Variants in PTP4A3 observed in about 807,000 individuals in gnomAD.
PTP4A3 encodes protein tyrosine phosphatase 4A3.
PTP4A3 carries 9 observed loss-of-function variants against 15.2 expected under a neutral mutation model. The observed-to-expected ratio is 0.59, with a 90% confidence interval of 0.36 to 1.03. The LOEUF (loss-of-function observed/expected upper bound fraction) is 1.03, where lower values mean the gene tolerates loss of function less well. PTP4A3 is among the 50% of genes least tolerant of loss of function. The pLI is 0.02. For missense variants in PTP4A3, 234 were observed against 252.1 expected (o/e 0.93, Z 0.49); for synonymous variants, 95 against 102.0 (o/e 0.93, Z 0.41).
intron 5 of PTP4A3, 43 bp downstream of exon 5, chr8:141,427,867 A>C (rs1233198369): frequency 6.6e-7 from 1 of 1,507,346 alleles, no homozygotes; most frequent in African/African-American, 1.4e-5. Context: ...GCGCTGGGGG[A>C]GGGGAGATCC....
At chr8:141,405,208 TG>T (rs1193450988) in intron 1 of PTP4A3, among the ~76,000 whole-genome samples, 2 of 152,202 alleles carry the variant, frequency 1.3e-5, no homozygotes, top group Non-Finnish European at 2.9e-5. Context: ...AGCGAGGCTG[TG>T]GGGACCCAGG....
chr8:141,429,526 A>C (rs1357568488), intron 5 of PTP4A3, among the ~76,000 whole-genome samples: 2 of 151,786 alleles, frequency 1.3e-5, no homozygotes, highest in Non-Finnish European at 2.9e-5. Flanking sequence ...TCCCTGCTGT[A>C]AGGACCAGGT....
At chr8:141,426,786 G>T (rs958574592) in intron 3 of PTP4A3, 153 bp from the exon 4 acceptor site, 1 of 911,748 alleles carries the variant, frequency 1.1e-6, no homozygotes, top group African/African-American at 1.8e-5. Flanking sequence ...GGCAAGCTGT[G>T]CCCCTCCTGT....
chr8:141,413,527 C>T lies in PTP4A3; in HGVS notation c.-853-7861C>T, dbSNP rs180676133. ...ACACCCCGTACTCCAGAGCGACTGG[C>T]TCTTAACGGAAGCTGCTGCTGGCAG... On this transcript the variant is annotated intron_variant, in intron 1 of 5. Transcript: ENST00000521578. Among the ~76,000 whole-genome samples, 3 of 152,362 alleles carry T rather than the reference C, an allele frequency of 2.0e-5. No individual in the cohort carries two copies. The East Asian group carries it at 5.8e-4, about 29-fold the overall frequency.
rs1030172912 is a variant in PTP4A3 at position 141,425,678 on chromosome 8, C to T, written c.198+538C>T. On this transcript the variant is annotated intron_variant, in intron 3 of 5. Coordinates refer to ENST00000521578, the MANE Select transcript of PTP4A3 (RefSeq NM_032611.3). The surrounding 1 kb of genome is among the most constrained non-coding windows in gnomAD (Gnocchi z 4.2). ...CAGAGCCAGCCCCAGGGGGGTCCAC[C>T]CCCGGCCCGGTGGACGACTGCCCCC... is the stretch of plus-strand genomic sequence containing the variant. Among the ~76,000 whole-genome samples, 2 of 152,148 alleles carry T rather than the reference C, an allele frequency of 1.3e-5. No individual in the cohort carries two copies. The highest frequency in any genetic ancestry group is 2.9e-5 in the Non-Finnish European group (2 of 68,002).
At chr8:141,410,241 C>T (rs1221565174) in intron 1 of PTP4A3, among the ~76,000 whole-genome samples, 1 of 152,248 alleles carries the variant, frequency 6.6e-6, no homozygotes, top group African/African-American at 2.4e-5. Context: ...GGCCCCCAGG[C>T]TCCCAGCCAG....
Position 141,427,083 on chromosome 8 carries a change from C to G in PTP4A3, c.329+14C>G. 1 of 1,591,476 alleles carries G rather than the reference C, an allele frequency of 6.3e-7. No homozygotes were observed. Among genetic ancestry groups the G allele is most frequent in the Non-Finnish European group, 8.5e-7 (1 of 1,176,200 alleles). ...GGGCCTGGGCCGGTGAGTGTCGGGG[C>G]GGGGTAGGGCTCGCCATGTCAGGTG... On this transcript the variant is annotated intron_variant, in intron 4 of 5. Transcript: ENST00000521578.
chr8:141,411,535 C>T (rs1832868839), intron 1 of PTP4A3, among the ~76,000 whole-genome samples: 1 of 152,258 alleles, frequency 6.6e-6, no homozygotes, highest in Admixed American at 6.5e-5. Flanking sequence ...TAGCTGTGAC[C>T]TTCCGCAGCC....
intron 5 of PTP4A3, among the ~76,000 whole-genome samples, chr8:141,428,969 CCCA>C (rs1563741952): frequency 1.3e-5 from 2 of 152,376 alleles, no homozygotes; most frequent in African/African-American, 2.4e-5. Context: ...CTCTCCCCAC[CCCA>C]CGTCTCACCG....
chr8:141,417,941 G>A (rs916963390), intron 1 of PTP4A3, among the ~76,000 whole-genome samples: 5 of 151,836 alleles, frequency 3.3e-5, no homozygotes, highest in Non-Finnish European at 7.4e-5. Flanking sequence ...GCGGAGGGGC[G>A]GCGCCCCGAC....
Position 141,425,606 on chromosome 8 carries a change from T to C in PTP4A3, c.198+466T>C, listed in dbSNP as rs1247556063. 7.3e-6 allele frequency among the ~76,000 whole-genome samples: 1 copy of C among 136,940 alleles called. No individual in the cohort carries two copies. The highest frequency in any genetic ancestry group is 1.6e-5 in the Non-Finnish European group (1 of 62,724). The allele number at this position is 136,940 out of a possible 152,430, so 89.8% of individuals were successfully genotyped here. A position where few individuals can be genotyped will look rare whatever the true frequency, so the allele number is the denominator to read the frequency against. On this transcript the variant is annotated intron_variant, in intron 3 of 5. Coordinates refer to ENST00000521578, the MANE Select transcript of PTP4A3 (RefSeq NM_032611.3). This position sits in a 1 kb window ranked among gnomAD's most constrained non-coding sequence, Gnocchi z 4.2. ...CAGGTCTGGGCGGGGGGTGGGGCGG[T>C]TCTGCTGCGATATCCTTGGGGGGGT...
chr8:141,409,348 C>T (rs1832809071), intron 1 of PTP4A3, among the ~76,000 whole-genome samples: 1 of 152,312 alleles, frequency 6.6e-6, no homozygotes, highest in African/African-American at 2.4e-5. Flanking sequence ...CCAGATCCAC[C>T]CTTCAGGTCC....
At chr8:141,408,558 C>T (rs190500733) in intron 1 of PTP4A3, among the ~76,000 whole-genome samples, 2 of 150,168 alleles carry the variant, frequency 1.3e-5, no homozygotes, top group Admixed American at 1.3e-4. Flanking sequence ...GCGGAGGTTG[C>T]AGTGAGCTGA....
rs949477882 is a variant in PTP4A3, at chr8:141,392,799, C to A, written c.-854+715C>A. On this transcript the variant is annotated intron_variant, in intron 1 of 5. Transcript: ENST00000521578. ...GCAGAGCAGTTTCACCCTGCCGGTT[C>A]CCGGAGGGAAGCCCTTTATGAGGGA... is the stretch of plus-strand genomic sequence containing the variant. 8.5e-5 allele frequency among the ~76,000 whole-genome samples: 13 copies of A among 152,316 alleles called. No individual in the cohort carries two copies. The East Asian group carries it at 2.5e-3, about 29-fold the overall frequency.
intron 3 of PTP4A3, 61 bp from the exon 4 acceptor site, chr8:141,426,878 C>T: frequency 1.3e-6 from 2 of 1,570,808 alleles, no homozygotes; most frequent in Non-Finnish European, 1.7e-6. Flanking sequence ...TCGCCTGAGC[C>T]CCAGAGCCGC....
intron 1 of PTP4A3, among the ~76,000 whole-genome samples, chr8:141,418,010 G>A (rs1833133238): frequency 6.6e-6 from 1 of 152,002 alleles, no homozygotes; most frequent in African/African-American, 2.4e-5. Context: ...TGGGACGCCT[G>A]CGGCGCGGGT....
chr8:141,405,418 A>C (rs1331565118), intron 1 of PTP4A3, among the ~76,000 whole-genome samples: 1 of 152,126 alleles, frequency 6.6e-6, no homozygotes, highest in Non-Finnish European at 1.5e-5. Context: ...TTTCCCCAAG[A>C]CCACCCAAGC....
chr8:141,423,869 C>G (rs1236366325), intron 2 of PTP4A3, among the ~76,000 whole-genome samples: 1 of 151,722 alleles, frequency 6.6e-6, no homozygotes, highest in Non-Finnish European at 1.5e-5. Context: ...TGACCCAGAT[C>G]AAGGCTCGGT....
chr8:141,424,804 A>G (rs988350899), intron 2 of PTP4A3, among the ~76,000 whole-genome samples: 1 of 152,020 alleles, frequency 6.6e-6, no homozygotes, highest in Non-Finnish European at 1.5e-5. Context: ...GGTGGACCTC[A>G]CTGCATCAGG....
Sources: allele counts gnomAD v4.1 joint callset (sites outside exome capture counted in the v4.1 genomes callset), GRCh38; gene constraint gnomAD v4.1.1; non-coding constraint Gnocchi (gnomAD v3.1); transcripts MANE v1.5; gene names NCBI Gene and HGNC (gene_info 2026-07-23, HGNC 2026-07-21).